Variants in PTCHD4 observed in about 807,000 individuals in gnomAD.
The protein encoded by PTCHD4 is patched domain containing 4.
Under a neutral mutation model 58.1 loss-of-function variants are expected in PTCHD4, and 33 were observed. The observed-to-expected ratio is 0.57, with a 90% CI of 0.43 to 0.76. The LOEUF (loss-of-function observed/expected upper bound fraction) is 0.76, where lower values mean the gene tolerates loss of function less well. PTCHD4 is among the 30% of genes least tolerant of loss of function. The probability of loss-of-function intolerance (pLI) is 0.00; values close to 1 mark genes in which losing one functional copy is unlikely to be tolerated. For missense variants in PTCHD4, 1,058 were observed against 1,027.1 expected (o/e 1.03, Z -0.41); for synonymous variants, 478 against 409.6 (o/e 1.17, Z -2.02).
chr6:47,920,465 T>A (rs1765396185), intron 4 of PTCHD4, among the ~76,000 whole-genome samples: 1 of 152,164 alleles, frequency 6.6e-6, no homozygotes, highest in South Asian at 2.1e-4. Context: ...CATTTTGAGA[T>A]ACTTAATTTC....
chr6:47,979,021 C>T (rs76796948), intron 4 of PTCHD4, among the ~76,000 whole-genome samples: 7,187 of 152,076 alleles, frequency 0.047, 202 homozygotes, highest in African/African-American at 0.058. Flanking sequence ...AAAAAAAACT[C>T]TTAATGAATA....
intron 3 of PTCHD4, among the ~76,000 whole-genome samples, chr6:48,024,944 A>T (rs1404285587): frequency 1.3e-5 from 2 of 152,224 alleles, no homozygotes. Flanking sequence ...GCCAGATGAC[A>T]TGATTCTACA....
chr6:48,016,726 A>G (rs1351380996), intron 3 of PTCHD4, among the ~76,000 whole-genome samples: 1 of 151,750 alleles, frequency 6.6e-6, no homozygotes, highest in Non-Finnish European at 1.5e-5. Flanking sequence ...AGAGCTTTCA[A>G]TAGCTCTAGA....
rs35015148 is a variant in PTCHD4 at position 47,862,240 on chromosome 6, C to CT, written c.*16062dup. ...AATCATTACTTTTGTTGCATTATGG[C>CT]TTTTTTTTTAATATCTTGGGTCTGG... On this transcript the variant is annotated 3_prime_UTR_variant, in exon 5 of 5. Coordinates refer to ENST00000339488, the MANE Select transcript of PTCHD4 (RefSeq NM_001384253.1). Among the ~76,000 whole-genome samples the CT allele has an allele frequency of 0.66, 98,006 of 149,316 alleles. 32,498 individuals are homozygous for CT. The highest frequency in any genetic ancestry group is 0.78 in the East Asian group (3,908 of 5,030).
At chr6:48,082,424 G>T (rs975966724) in intron 1 of PTCHD4, among the ~76,000 whole-genome samples, 1 of 152,182 alleles carries the variant, frequency 6.6e-6, no homozygotes, top group African/African-American at 2.4e-5. Flanking sequence ...ATAATTTCCT[G>T]ATGATAGGAC....
At position 47,882,741 on chromosome 6, in the gene PTCHD4, G is replaced by GATATATATATAT. The variant is rs1554149146; in HGVS notation, c.899-2817_899-2806dup. On this transcript the variant is annotated intron_variant, in intron 4 of 4. Transcript: ENST00000339488. ...TGAATCCATTTCTAATGATTCCAGT[G>GATATATATATAT]ATATATATATATATATTCCTTAAAT... Among the ~76,000 whole-genome samples, 36 of 102,442 alleles carry GATATATATATAT rather than the reference G, an allele frequency of 3.5e-4. 2 individuals carry two copies. Among genetic ancestry groups the GATATATATATAT allele is most frequent in the Non-Finnish European group, 6.3e-4 (30 of 47,666 alleles). The allele number at this position is 102,442 out of a possible 152,430, so 67.2% of individuals were successfully genotyped here.
intron 3 of PTCHD4, among the ~76,000 whole-genome samples, chr6:48,011,508 C>T (rs1762673874): frequency 6.6e-6 from 1 of 152,010 alleles, no homozygotes; most frequent in Non-Finnish European, 1.5e-5. Flanking sequence ...AAAATTTTCT[C>T]CCATTCTGTG....
chr6:47,915,744 C>A (rs944044412), intron 4 of PTCHD4, among the ~76,000 whole-genome samples: 2 of 152,050 alleles, frequency 1.3e-5, no homozygotes, highest in African/African-American at 4.8e-5. Flanking sequence ...TAGACTAGGA[C>A]TTTTTGCATT....
Position 47,879,358 on chromosome 6 carries a change from C to G in PTCHD4, c.1477G>C (p.Ala493Pro). The change falls in exon 5 of 5, where the codon GCC (alanine) becomes CCC (proline). Residue 493 changes from alanine (A) to proline (P), a missense_variant. Ala to Pro is a conservative substitution (Grantham distance 27). Coordinates refer to ENST00000339488, the MANE Select transcript of PTCHD4 (RefSeq NM_001384253.1). ...SDGANIINLL[A>P]SDSPSVSYAM... ...TAGGAAACACTTGGCGAATCACTGGCTAGTAGATTGATGATGTTGGCTCCG... is the reference window on the plus strand; with the variant it reads ...TAGGAAACACTTGGCGAATCACTGGGTAGTAGATTGATGATGTTGGCTCCG... 1 of 1,613,422 alleles carries G rather than the reference C, an allele frequency of 6.2e-7. No homozygotes were observed. The highest frequency in any genetic ancestry group is 1.7e-5 in the Admixed American group (1 of 59,872).
rs1763396076 is a variant in PTCHD4, at chr6:47,860,372, A to G, written c.*17931T>C. Among the ~76,000 whole-genome samples, 1 of 152,086 alleles carries G rather than the reference A, an allele frequency of 6.6e-6. No individual in the cohort carries two copies. Among genetic ancestry groups the G allele is most frequent in the African/African-American group, 2.4e-5 (1 of 41,450 alleles). On this transcript the variant is annotated 3_prime_UTR_variant, in exon 5 of 5. Coordinates refer to ENST00000339488, the MANE Select transcript of PTCHD4 (RefSeq NM_001384253.1). The stretch of plus-strand genomic sequence containing the variant: ...AAGACAAAGAAATATATGACTCTAA[A>G]AACAAATTCAGGTATTTTGAGAATA...
At chr6:47,986,570 G>A (rs1032566182) in intron 4 of PTCHD4, among the ~76,000 whole-genome samples, 2 of 152,142 alleles carry the variant, frequency 1.3e-5, no homozygotes, top group Non-Finnish European at 2.9e-5. Flanking sequence ...TTGATATGGA[G>A]ATATATGTGA....
chr6:48,001,506 G>A (rs1276379329), intron 4 of PTCHD4, among the ~76,000 whole-genome samples: 1 of 152,064 alleles, frequency 6.6e-6, no homozygotes, highest in Admixed American at 6.6e-5. Flanking sequence ...CAAGAACTGG[G>A]GAAAGGATTC....
intron 4 of PTCHD4, among the ~76,000 whole-genome samples, chr6:47,922,450 C>T (rs1008741776): frequency 1.3e-5 from 2 of 152,152 alleles, no homozygotes; most frequent in African/African-American, 4.8e-5. Flanking sequence ...CCTGCCGGCC[C>T]AACTGGCTCC....
rs916664766 is a variant in PTCHD4, at chr6:47,872,184, C to T, written c.*6119G>A. Among the ~76,000 whole-genome samples, 7 of 151,578 alleles carry T rather than the reference C, an allele frequency of 4.6e-5. No homozygotes were observed. The highest frequency in any genetic ancestry group is 7.4e-5 in the Non-Finnish European group (5 of 67,734). On this transcript the variant is annotated 3_prime_UTR_variant, in exon 5 of 5. Transcript: ENST00000339488. Reference sequence around the variant, plus strand: ...GCTCCCCATAACATACTGTAGACTGCCGCTACTGAGAATATAAGTTAAATT... The same window carrying T: ...GCTCCCCATAACATACTGTAGACTGTCGCTACTGAGAATATAAGTTAAATT...
chr6:48,090,332 G>C (rs569746952), intron 1 of PTCHD4, among the ~76,000 whole-genome samples: 1 of 152,130 alleles, frequency 6.6e-6, no homozygotes, highest in Non-Finnish European at 1.5e-5. Flanking sequence ...TGGAGGGAAC[G>C]TCATTCTCAG....
Position 47,869,316 on chromosome 6 carries a change from C to A in PTCHD4, c.*8987G>T, listed in dbSNP as rs1193823115. On this transcript the variant is annotated 3_prime_UTR_variant, in exon 5 of 5. Coordinates refer to ENST00000339488, the MANE Select transcript of PTCHD4 (RefSeq NM_001384253.1). ...GTGCTTTGTGATTAATCTCTGGGTA[C>A]TACTGAGGAGCCGCTGGCTCACTCA... is the stretch of plus-strand genomic sequence containing the variant. 6.6e-6 allele frequency among the ~76,000 whole-genome samples: 1 copy of A among 151,716 alleles called. No individual in the cohort carries two copies. Among genetic ancestry groups the A allele is most frequent in the Non-Finnish European group, 1.5e-5 (1 of 67,800 alleles).
At chr6:47,926,437 C>G (rs1184854077) in intron 4 of PTCHD4, among the ~76,000 whole-genome samples, 1 of 152,112 alleles carries the variant, frequency 6.6e-6, no homozygotes. Flanking sequence ...GCATAAAATA[C>G]TTTATGCATT....
intron 4 of PTCHD4, among the ~76,000 whole-genome samples, chr6:47,970,533 A>G (rs935799369): frequency 3.9e-5 from 6 of 152,042 alleles, no homozygotes; most frequent in Admixed American, 1.3e-4. Flanking sequence ...CTTAAGAGGC[A>G]GTTAGACCCA....
At chr6:47,941,096 C>T (rs1305940233) in intron 4 of PTCHD4, among the ~76,000 whole-genome samples, 1 of 152,184 alleles carries the variant, frequency 6.6e-6, no homozygotes, top group Non-Finnish European at 1.5e-5. Context: ...CGCCTCCGTA[C>T]TCACTCTCCC....
Sources: allele counts gnomAD v4.1 joint callset (sites outside exome capture counted in the v4.1 genomes callset), GRCh38; gene constraint gnomAD v4.1.1; transcripts MANE v1.5; gene names NCBI Gene and HGNC (gene_info 2026-07-23, HGNC 2026-07-21).